Variants in DCUN1D3 observed in about 807,000 individuals in gnomAD.
DCUN1D3 encodes DCN1-like protein 3.
A neutral mutation model predicts 24.8 loss-of-function variants in DCUN1D3; 6 were observed. That is an observed-to-expected ratio of 0.24 (90% CI 0.13 to 0.48). DCUN1D3 has a LOEUF of 0.48. Among genes scored for constraint, DCUN1D3 ranks in the 20% least tolerant of loss-of-function variants. The pLI is 0.99. For missense variants in DCUN1D3, 258 were observed against 379.4 expected, an observed-to-expected ratio of 0.68 and a Z score of 2.66; for synonymous variants, 120 against 144.9, an observed-to-expected ratio of 0.83 and a Z score of 1.24.
intron 1 of DCUN1D3, among the ~76,000 whole-genome samples, chr16:20,869,352 C>T (rs1003882342): frequency 1.3e-5 from 2 of 152,140 alleles, no homozygotes; most frequent in South Asian, 2.1e-4. Flanking sequence ...ACTACTATTA[C>T]GGAAAGAAAG....
chr16:20,866,753 C>T (rs965797807), intron 1 of DCUN1D3, among the ~76,000 whole-genome samples: 4 of 152,320 alleles, frequency 2.6e-5, no homozygotes, highest in Middle Eastern at 3.4e-3. Context: ...TGAAATGCCC[C>T]CATTCCATTG....
rs1466092514 is a variant in DCUN1D3, at chr16:20,858,351, G to A, written c.*1535C>T. On this transcript the variant is annotated 3_prime_UTR_variant, in exon 3 of 3. Coordinates refer to ENST00000324344, the MANE Select transcript of DCUN1D3 (RefSeq NM_173475.4). ...GGGGCCCTCCCTCTTGTGAGGAAAG[G>A]GCTGAGCAAACTCATGTTCTCTTTA... The A allele has an allele frequency of 1.3e-5, 2 of 152,546 alleles. No individual in the cohort carries two copies. Among genetic ancestry groups the A allele is most frequent in the Non-Finnish European group, 2.9e-5 (2 of 68,038 alleles). 9.4% of individuals were successfully genotyped at this position (152,546 alleles called of 1,614,324 possible).
At chr16:20,861,982 G>A (rs2081735775) in intron 2 of DCUN1D3, 126 bp downstream of exon 2, 3 of 1,024,592 alleles carry the variant, frequency 2.9e-6, no homozygotes, top group Non-Finnish European at 4.2e-6. Flanking sequence ...AACCTGATCA[G>A]AAAAATAAAA....
chr16:20,882,841 T>A (rs1392316043), intron 1 of DCUN1D3, among the ~76,000 whole-genome samples: 1 of 152,240 alleles, frequency 6.6e-6, no homozygotes, highest in Non-Finnish European at 1.5e-5. Flanking sequence ...TTTTTTAGCT[T>A]ACAAAACTGG....
In DCUN1D3 at chr16:20,862,440, A is replaced by T. The variant is rs778675530; in HGVS notation, c.99T>A (p.Gly33=). ...GTACCTGCTCCTCACGGTGGCCTGC[A>T]CCCCTCCTGCTATGTGACTTGTTGC... ...EPSNKSHSRR[G]AGHREEQVPP... The change falls in exon 2 of 3, where the codon GGT becomes GGA. Residue 33 remains glycine, a synonymous_variant. Transcript: ENST00000324344. 1 of 1,613,466 alleles carries T rather than the reference A, an allele frequency of 6.2e-7. No individual in the cohort carries two copies. Among genetic ancestry groups the T allele is most frequent in the Non-Finnish European group, 8.5e-7 (1 of 1,179,936 alleles).
rs906793857 is a variant in DCUN1D3 at position 20,859,820 on chromosome 16, G to T, written c.*66C>A. The T allele has an allele frequency of 1.3e-6, 2 of 1,518,022 alleles. No homozygotes were observed. The highest frequency in any genetic ancestry group is 2.8e-5 in the African/African-American group (2 of 71,830). 94.0% of individuals were successfully genotyped at this position (1,518,022 alleles called of 1,614,324 possible). A position where few individuals can be genotyped will look rare whatever the true frequency, so the allele number is the denominator to read the frequency against. On this transcript the variant is annotated 3_prime_UTR_variant, in exon 3 of 3. Coordinates refer to ENST00000324344, the MANE Select transcript of DCUN1D3 (RefSeq NM_173475.4). ...CGGATCTTCAGTAATTTCCAAAATGGTCCAATTCCTCAGTTGGCTGCAGGG... is the reference window on the plus strand; with the variant it reads ...CGGATCTTCAGTAATTTCCAAAATGTTCCAATTCCTCAGTTGGCTGCAGGG...
At chr16:20,877,955 C>A (rs950359217) in intron 1 of DCUN1D3, among the ~76,000 whole-genome samples, 1 of 152,186 alleles carries the variant, frequency 6.6e-6, no homozygotes, top group Non-Finnish European at 1.5e-5. Context: ...TGGTGCCACA[C>A]CCAGCTACTT....
intron 2 of DCUN1D3, 68 bp downstream of exon 2, chr16:20,862,039 GC>G: frequency 3.2e-6 from 5 of 1,544,782 alleles, no homozygotes; most frequent in Non-Finnish European, 4.4e-6. Flanking sequence ...TCCTAGCTGG[GC>G]ACCACTGCCC....
At chr16:20,892,073 T>C (rs534862289) in intron 1 of DCUN1D3, among the ~76,000 whole-genome samples, 12 of 152,262 alleles carry the variant, frequency 7.9e-5, no homozygotes, top group African/African-American at 2.9e-4. Context: ...GAACCTCCCA[T>C]CTTAGTGCTC....
rs118158440 is a variant in DCUN1D3 at position 20,869,014 on chromosome 16, C to A, written c.-105-6371G>T. On this transcript the variant is annotated intron_variant, in intron 1 of 2. Coordinates refer to ENST00000324344, the MANE Select transcript of DCUN1D3 (RefSeq NM_173475.4). ...TCTCCCTCCCTCCTCTGCACATCAG[C>A]CTCCAGACTCTTTCCTCCCCTGTGC... The A allele has an allele frequency of 4.4e-3, 671 of 152,962 alleles. 5 individuals carry two copies. Among genetic ancestry groups the A allele is most frequent in the East Asian group, 0.033 (170 of 5,196 alleles). The allele number at this position is 152,962 out of a possible 1,614,324, so 9.5% of individuals were successfully genotyped here.
At chr16:20,879,373 G>T (rs1189758075) in intron 1 of DCUN1D3, among the ~76,000 whole-genome samples, 3 of 152,122 alleles carry the variant, frequency 2.0e-5, no homozygotes, top group Non-Finnish European at 2.9e-5. Flanking sequence ...AGCAGTGGCA[G>T]AACTGACACA....
chr16:20,862,735 T>G, intron 1 of DCUN1D3, 92 bp from the exon 2 acceptor site: 1 of 1,233,702 alleles, frequency 8.1e-7, no homozygotes, highest in Non-Finnish European at 1.1e-6. Context: ...ACCGCTCTAT[T>G]TCCATGAGCC....
intron 1 of DCUN1D3, among the ~76,000 whole-genome samples, chr16:20,883,018 T>C (rs1285126870): frequency 4.6e-5 from 7 of 152,202 alleles, no homozygotes; most frequent in Admixed American, 4.6e-4. Flanking sequence ...ACCAGAAGTG[T>C]TCTGGATTTT....
At chr16:20,864,578 T>A (rs151170689) in intron 1 of DCUN1D3, among the ~76,000 whole-genome samples, 45 of 151,838 alleles carry the variant, frequency 3.0e-4, no homozygotes, top group African/African-American at 1.0e-3. Context: ...TGGAAAGCAG[T>A]ATGGTGATTC....
At chr16:20,865,779 TA>T (rs1359189111) in intron 1 of DCUN1D3, among the ~76,000 whole-genome samples, 1 of 152,194 alleles carries the variant, frequency 6.6e-6, no homozygotes, top group African/African-American at 2.4e-5. Flanking sequence ...TTCCTCCAAA[TA>T]GTGCCTGGAT....
chr16:20,869,960 A>G (rs1439158896), intron 1 of DCUN1D3, among the ~76,000 whole-genome samples: 1 of 152,166 alleles, frequency 6.6e-6, no homozygotes, highest in East Asian at 1.9e-4. Flanking sequence ...TGCCCCAAGA[A>G]GAAAATGTCC....
Position 20,859,858 on chromosome 16 carries a change from C to T in DCUN1D3, c.*28G>A, listed in dbSNP as rs1332065075. The T allele has an allele frequency of 3.8e-6, 6 of 1,559,162 alleles. No homozygotes were observed. The highest frequency in any genetic ancestry group is 5.2e-6 in the Non-Finnish European group (6 of 1,151,082). On this transcript the variant is annotated 3_prime_UTR_variant, in exon 3 of 3. Coordinates refer to ENST00000324344, the MANE Select transcript of DCUN1D3 (RefSeq NM_173475.4). ...GTTGGCTGCAGGGCAGCTGGCAGATCCTTGCTGCTGCTCCTGGGACAGAGC... is the reference window on the plus strand; with the variant it reads ...GTTGGCTGCAGGGCAGCTGGCAGATTCTTGCTGCTGCTCCTGGGACAGAGC...
intron 1 of DCUN1D3, among the ~76,000 whole-genome samples, chr16:20,877,259 G>C: frequency 6.8e-6 from 1 of 147,778 alleles, no homozygotes. Context: ...GTTCTGCGAT[G>C]AAAAAAAAAA....
intron 1 of DCUN1D3, among the ~76,000 whole-genome samples, chr16:20,888,664 A>G (rs964128113): frequency 2.6e-5 from 4 of 152,198 alleles, no homozygotes; most frequent in Non-Finnish European, 4.4e-5. Flanking sequence ...CATGTTGCCC[A>G]GGCTAGTCTT....
Sources: gnomAD v4.1 joint callset for allele counts (sites outside exome capture counted in the v4.1 genomes callset) on GRCh38, gnomAD v4.1.1 for gene constraint, MANE v1.5 for transcripts, NCBI Gene and HGNC (gene_info 2026-07-23, HGNC 2026-07-21) for gene names.